Variants in DCHS2 observed in about 807,000 individuals in gnomAD.
DCHS2 encodes dachsous cadherin-related 2.
In DCHS2, 142 loss-of-function variants were observed where a neutral mutation model predicts 182.4. The ratio of observed to expected loss-of-function variants is 0.78; its 90% CI spans 0.68 to 0.89. The LOEUF (loss-of-function observed/expected upper bound fraction) is 0.89. DCHS2 is among the 40% of genes least tolerant of loss of function. The pLI is 0.00. For synonymous variants in DCHS2, 1,740 were observed against 1,663.3 expected, an observed-to-expected ratio of 1.05 and a Z score of -1.12; for missense variants, 4,319 against 4,198.6, an observed-to-expected ratio of 1.03 and a Z score of -0.79.
At chr4:154,267,127 T>C (rs1733315931) in intron 14 of DCHS2, among the ~76,000 whole-genome samples, 1 of 152,256 alleles carries the variant, frequency 6.6e-6, no homozygotes, top group Admixed American at 6.5e-5. Context: ...GCAGCTTTGA[T>C]GAATGTTACT....
chr4:154,436,387 G>A (rs1330220464), intron 1 of DCHS2, among the ~76,000 whole-genome samples: 1 of 151,768 alleles, frequency 6.6e-6, no homozygotes, highest in African/African-American at 2.4e-5. Context: ...TTCTAATTTG[G>A]GATGCAGTGT....
At chr4:154,349,914 T>C (rs1729530314) in intron 3 of DCHS2, among the ~76,000 whole-genome samples, 1 of 152,188 alleles carries the variant, frequency 6.6e-6, no homozygotes, top group Admixed American at 6.5e-5. Context: ...TGATGATAAA[T>C]AAAAATGCCT....
intron 1 of DCHS2, among the ~76,000 whole-genome samples, chr4:154,478,403 G>C (rs960258313): frequency 6.6e-6 from 1 of 152,158 alleles, no homozygotes; most frequent in Non-Finnish European, 1.5e-5. Flanking sequence ...GAACCTTCTA[G>C]GGGTGAGTAA....
At chr4:154,410,675 G>T (rs954409254) in intron 1 of DCHS2, among the ~76,000 whole-genome samples, 1 of 150,856 alleles carries the variant, frequency 6.6e-6, no homozygotes, top group African/African-American at 2.4e-5. Flanking sequence ...TGCAGAAAGA[G>T]AAGAGAAAAA....
At chr4:154,362,389 G>A (rs1256544528) in intron 3 of DCHS2, among the ~76,000 whole-genome samples, 1 of 152,180 alleles carries the variant, frequency 6.6e-6, no homozygotes, top group Non-Finnish European at 1.5e-5. Context: ...TTAAGAGGCT[G>A]TAGGAAGGAT....
intron 1 of DCHS2, among the ~76,000 whole-genome samples, chr4:154,419,626 G>T (rs1373257418): frequency 7.5e-6 from 1 of 133,362 alleles, no homozygotes; most frequent in African/African-American, 2.8e-5. Flanking sequence ...TTCCAGCCTG[G>T]GCAAAAGAAA....
At chr4:154,270,300 C>T (rs374650569) in intron 13 of DCHS2, among the ~76,000 whole-genome samples, 7 of 152,062 alleles carry the variant, frequency 4.6e-5, no homozygotes, top group African/African-American at 1.7e-4. Flanking sequence ...TCAATTGTGT[C>T]AGGCCCTTAG....
At chr4:154,404,076 A>G (rs2110877922) in intron 1 of DCHS2, among the ~76,000 whole-genome samples, 1 of 151,956 alleles carries the variant, frequency 6.6e-6, no homozygotes, top group African/African-American at 2.4e-5. Flanking sequence ...ACTTCATAGG[A>G]TTTCCTCTTT....
intron 1 of DCHS2, among the ~76,000 whole-genome samples, chr4:154,379,995 G>A (rs1401015225): frequency 6.6e-6 from 1 of 151,890 alleles, no homozygotes; most frequent in South Asian, 2.1e-4. Flanking sequence ...TCATTTAATG[G>A]GTTAATTTAA....
At chr4:154,389,536 AACC>A (rs1731585893) in intron 1 of DCHS2, among the ~76,000 whole-genome samples, 3 of 144,526 alleles carry the variant, frequency 2.1e-5, no homozygotes, top group African/African-American at 5.0e-5. Context: ...ATATATATAT[AACC>A]TTTTTTTAAA....
rs373688270 is a variant in DCHS2, at chr4:154,236,672, G to A, written c.7980C>T (p.Asp2660=). ...TCAGGCTGCTGAAGTTTGGGGGATT[G>A]TCATTGACATCAAGTACTTGTATTG... ...VISIQVLDVN[D]NPPNFSSLSY... The change falls in exon 20 of 20, where the codon GAC becomes GAT. Residue 2660 remains aspartate (D), a synonymous_variant. Transcript: ENST00000357232. 15 of 1,613,914 alleles carry A rather than the reference G, an allele frequency of 9.3e-6. No homozygotes were observed. Among genetic ancestry groups the A allele is most frequent in the Admixed American group, 1.7e-5 (1 of 59,994 alleles).
At chr4:154,417,702 G>T (rs2110907385) in intron 1 of DCHS2, among the ~76,000 whole-genome samples, 1 of 152,254 alleles carries the variant, frequency 6.6e-6, no homozygotes, top group Non-Finnish European at 1.5e-5. Flanking sequence ...AACATGGCCA[G>T]GGGGAAAAAA....
intron 1 of DCHS2, among the ~76,000 whole-genome samples, chr4:154,410,025 C>T (rs1732557183): frequency 6.6e-6 from 1 of 152,136 alleles, no homozygotes; most frequent in African/African-American, 2.4e-5. Context: ...GAAAGTTTTT[C>T]CTTACAAAAG....
chr4:154,275,637 T>A (rs1733819737), intron 13 of DCHS2, among the ~76,000 whole-genome samples: 1 of 152,144 alleles, frequency 6.6e-6, no homozygotes, highest in South Asian at 2.1e-4. Flanking sequence ...TACAATTTAT[T>A]TCCTAAACAC....
rs1019170973 is a variant in DCHS2, at chr4:154,389,079, C to A, written c.2053-11635G>T. 1.6e-4 allele frequency among the ~76,000 whole-genome samples: 24 copies of A among 152,272 alleles called. No individual in the cohort carries two copies. In the South Asian group the frequency reaches 4.4e-3, roughly 28 times the overall value. ...TAAAGTCTCTGTTACAACTACTCAA[C>A]TCTGCCATTTTAGCATGAAAGAGCC... is the stretch of plus-strand genomic sequence containing the variant. On this transcript the variant is annotated intron_variant, in intron 1 of 19. Coordinates refer to ENST00000357232, the MANE Select transcript of DCHS2 (RefSeq NM_001358235.2).
chr4:154,237,677 T>C (rs963751376), intron 19 of DCHS2: 1 of 152,286 alleles, frequency 6.6e-6, no homozygotes, highest in East Asian at 1.9e-4. Flanking sequence ...GATGTTTCCC[T>C]TATTGCTGAA....
chr4:154,311,638 ATAAT>A (rs1293004611), intron 10 of DCHS2, among the ~76,000 whole-genome samples: 1 of 152,192 alleles, frequency 6.6e-6, no homozygotes, highest in Non-Finnish European at 1.5e-5. Flanking sequence ...AAAGGAATAA[ATAAT>A]AAATAAATTC....
At chr4:154,284,099 C>T (rs1023609333) in intron 13 of DCHS2, among the ~76,000 whole-genome samples, 1 of 152,086 alleles carries the variant, frequency 6.6e-6, no homozygotes, top group Non-Finnish European at 1.5e-5. Context: ...AAAGAAATGC[C>T]TTTTAAGATG....
At chr4:154,358,711 C>T (rs917347801) in intron 3 of DCHS2, among the ~76,000 whole-genome samples, 1 of 151,890 alleles carries the variant, frequency 6.6e-6, no homozygotes, top group Admixed American at 6.6e-5. Flanking sequence ...CTTTTTTAAA[C>T]ATTTATATAT....
Sources: allele counts gnomAD v4.1 joint callset (sites outside exome capture counted in the v4.1 genomes callset), GRCh38; gene constraint gnomAD v4.1.1; transcripts MANE v1.5; gene names NCBI Gene and HGNC (gene_info 2026-07-23, HGNC 2026-07-21).